Variants in KDM1A observed in about 807,000 individuals in gnomAD.
KDM1A encodes the protein lysine-specific histone demethylase 1A.
In KDM1A, 49 loss-of-function variants were observed where a neutral mutation model predicts 109.4. That is an observed-to-expected ratio of 0.45 (90% CI 0.36 to 0.57). The LOEUF (loss-of-function observed/expected upper bound fraction) is 0.57, where lower values mean the gene tolerates loss of function less well. KDM1A is among the 20% of genes least tolerant of loss of function. KDM1A has a pLI of 0.00. For synonymous variants in KDM1A, 380 were observed against 415.4 expected (o/e 0.91, Z 1.04); for missense variants, 668 against 1,116.6 (o/e 0.60, Z 5.73).
rs909112164 is a variant in KDM1A at position 23,029,772 on chromosome 1, T to A, written c.352-697T>A. Among the ~76,000 whole-genome samples the A allele has an allele frequency of 1.2e-4, 18 of 152,194 alleles. 1 individual carries two copies. The highest frequency in any genetic ancestry group is 3.9e-4 in the African/African-American group (16 of 41,444). ...CTCCTGCCTCAGCCTCCCGAGTAGC[T>A]GGGATTACAGGTGCCTGCCAACACA... On this transcript the variant is annotated intron_variant, in intron 1 of 20. Transcript: ENST00000400181.
chr1:23,060,201 C>A (rs1642960446), intron 9 of KDM1A, among the ~76,000 whole-genome samples: 1 of 152,132 alleles, frequency 6.6e-6, no homozygotes, highest in Admixed American at 6.5e-5. Flanking sequence ...ATTGAGTAAA[C>A]TTCTCTTACT....
intron 12 of KDM1A, among the ~76,000 whole-genome samples, chr1:23,070,341 C>T (rs984437000): frequency 7.2e-5 from 11 of 152,070 alleles, no homozygotes; most frequent in Non-Finnish European, 1.5e-4. Flanking sequence ...CATGGTAGCA[C>T]ACACCTGTAA....
At chr1:23,069,371 C>A (rs539148864) in intron 12 of KDM1A, among the ~76,000 whole-genome samples, 9 of 152,294 alleles carry the variant, frequency 5.9e-5, no homozygotes, top group African/African-American at 2.2e-4. Flanking sequence ...GGAAATAGAT[C>A]TTTCCTCTTT....
At chr1:23,077,827 T>C (rs987541439) in intron 16 of KDM1A, among the ~76,000 whole-genome samples, 2 of 152,206 alleles carry the variant, frequency 1.3e-5, no homozygotes, top group African/African-American at 4.8e-5. Flanking sequence ...TTTGGATTCA[T>C]TTTGGCTTTT....
chr1:23,077,352 C>T lies in KDM1A; in HGVS notation c.1859C>T (p.Thr620Met), dbSNP rs537286746. The T allele has an allele frequency of 5.0e-6, 8 of 1,612,038 alleles. No individual in the cohort carries two copies. Among genetic ancestry groups the T allele is most frequent in the South Asian group, 1.1e-5 (1 of 90,752 alleles). ...ACAGCAGTGCGACAGGTTCGCTACA[C>T]GGCTTCAGGTATGTCACTGCTTTAC... Reference protein sequence around the residue: ...LNTAVRQVRYTASGCEVIAVN... With the variant: ...LNTAVRQVRYMASGCEVIAVN... The change falls in exon 16 of 21, where the codon ACG becomes ATG. Residue 620 changes from threonine to methionine, a missense_variant. Transcript: ENST00000400181.
intron 2 of KDM1A, among the ~76,000 whole-genome samples, 173 bp downstream of exon 2, chr1:23,030,807 G>A (rs1448832747): frequency 1.3e-5 from 2 of 152,094 alleles, no homozygotes; most frequent in Non-Finnish European, 2.9e-5. Context: ...ACATGTATAT[G>A]TGTGTATGTA....
chr1:23,073,011 T>C (rs1308418239), intron 14 of KDM1A, among the ~76,000 whole-genome samples: 1 of 152,190 alleles, frequency 6.6e-6, no homozygotes, highest in East Asian at 1.9e-4. Context: ...TAAGCTTTTA[T>C]GATATAAGGT....
At chr1:23,066,694 A>C (rs1196032773) in intron 10 of KDM1A, among the ~76,000 whole-genome samples, 1 of 152,176 alleles carries the variant, frequency 6.6e-6, no homozygotes, top group Non-Finnish European at 1.5e-5. Flanking sequence ...ACTCCAGGAA[A>C]AGCAGTCAGG....
At chr1:23,035,825 C>T (rs1642126058) in intron 2 of KDM1A, among the ~76,000 whole-genome samples, 1 of 152,058 alleles carries the variant, frequency 6.6e-6, no homozygotes, top group Admixed American at 6.5e-5. Flanking sequence ...TATTAAAAGG[C>T]AGAATCTTCT....
chr1:23,063,655 G>GC, intron 9 of KDM1A, among the ~76,000 whole-genome samples: 1 of 152,080 alleles, frequency 6.6e-6, no homozygotes, highest in East Asian at 1.9e-4. Flanking sequence ...AATAGTTTTT[G>GC]CCCCCTTAAT....
At chr1:23,070,005 G>A (rs1428421184) in intron 12 of KDM1A, among the ~76,000 whole-genome samples, 1 of 152,224 alleles carries the variant, frequency 6.6e-6, no homozygotes, top group Non-Finnish European at 1.5e-5. Context: ...CTAATGAAGA[G>A]ATCTCCAGCT....
chr1:23,032,425 A>T (rs1239406524), intron 2 of KDM1A, among the ~76,000 whole-genome samples: 1 of 151,886 alleles, frequency 6.6e-6, no homozygotes, highest in Non-Finnish European at 1.5e-5. Context: ...TCTTAGCAAA[A>T]GGATTTAGGA....
rs192026192 is a variant in KDM1A at position 23,043,178 on chromosome 1, C to G, written c.518-1249C>G. On this transcript the variant is annotated intron_variant, in intron 2 of 20. Transcript: ENST00000400181. Reference sequence around the variant, plus strand: ...TAAGTTTGCAGATTGGATTTAGTAACCCGATCGTCTCTTCATGATTGTATG... The same window carrying G: ...TAAGTTTGCAGATTGGATTTAGTAAGCCGATCGTCTCTTCATGATTGTATG... 6.6e-5 allele frequency among the ~76,000 whole-genome samples: 10 copies of G among 152,268 alleles called. No homozygotes were observed. In the East Asian group the frequency reaches 1.9e-3, roughly 29 times the overall value.
chr1:23,026,505 G>A (rs970296117), intron 1 of KDM1A, among the ~76,000 whole-genome samples: 21 of 151,244 alleles, frequency 1.4e-4, no homozygotes, highest in African/African-American at 3.9e-4. Context: ...TCCTCCTGCC[G>A]TAGCCCCCCC....
chr1:23,030,358 C>A, intron 1 of KDM1A, 111 bp from the exon 2 acceptor site: 1 of 774,000 alleles, frequency 1.3e-6, no homozygotes, highest in Non-Finnish European at 1.9e-6. Flanking sequence ...TGTATGCTTA[C>A]TTCCCTTAAA....
rs1641554519 is a variant in KDM1A at position 23,019,778 on chromosome 1, G to T, written c.182G>T (p.Arg61Leu). Residue 61 changes from arginine to leucine, a missense_variant, in exon 1 of 21, where the codon CGC (arginine) becomes CTC (leucine). Physicochemically the swap from Arg to Leu is moderately radical, Grantham distance 102. Around this residue, in one of 8 missense-constraint regions of KDM1A, gnomAD observed 156 missense variants for 163.4 expected, o/e 0.95. Coordinates refer to ENST00000400181, the MANE Select transcript of KDM1A (RefSeq NM_001009999.3). ...GGGGCGGTGGGGGAGCGCACACCCC[G>T]CAAGAAAGAGCCTCCGCGGGCCTCG... ...GPGAVGERTP[R>L]KKEPPRASPP... 1.5e-6 allele frequency: 2 copies of T among 1,374,370 alleles called. No homozygotes were observed. The highest frequency in any genetic ancestry group is 1.9e-6 in the Non-Finnish European group (2 of 1,063,094). The allele number at this position is 1,374,370 out of a possible 1,614,324, so 85.1% of individuals were successfully genotyped here.
chr1:23,039,622 T>G (rs550348180), intron 2 of KDM1A, among the ~76,000 whole-genome samples: 435 of 152,352 alleles, frequency 2.9e-3, no homozygotes, highest in Non-Finnish European at 4.8e-3. Flanking sequence ...TCAGACCATC[T>G]CCTTCTGAAA....
rs764096071 is a variant in KDM1A, at chr1:23,057,528, T to C, written c.1035T>C (p.Tyr345=). Residue 345 remains tyrosine, a synonymous_variant, in exon 8 of 21, where the codon TAT becomes TAC. Transcript: ENST00000400181. ...GRVATFRKGN[Y]VADLGAMVVT... ...TTGCCACATTTCGCAAAGGAAACTA[T>C]GTAGCTGATCTTGGAGCCATGGTGG... 1.9e-6 allele frequency: 3 copies of C among 1,613,956 alleles called. No individual in the cohort carries two copies. The highest frequency in any genetic ancestry group is 1.7e-6 in the Non-Finnish European group (2 of 1,179,868).
chr1:23,065,203 A>T (rs1643128928), intron 9 of KDM1A, among the ~76,000 whole-genome samples: 2 of 152,204 alleles, frequency 1.3e-5, no homozygotes, highest in African/African-American at 4.8e-5. Flanking sequence ...TTATTGTTCC[A>T]TAATAATTTG....
Sources: gnomAD v4.1 joint callset for allele counts (sites outside exome capture counted in the v4.1 genomes callset) on GRCh38, gnomAD v4.1.1 for gene constraint, gnomAD v4.1.1 regional missense constraint, MANE v1.5 for transcripts, NCBI Gene and HGNC (gene_info 2026-07-23, HGNC 2026-07-21) for gene names.